PCDH15: variants seen among roughly 807,000 people sequenced by gnomAD.
PCDH15 encodes protocadherin-15.
A neutral mutation model predicts 178.5 loss-of-function variants in PCDH15; 129 were observed. The ratio of observed to expected loss-of-function variants is 0.72; its 90% CI spans 0.63 to 0.84. PCDH15 has a LOEUF of 0.84. PCDH15 is among the 40% of genes least tolerant of loss of function. The pLI is 0.00. For missense variants in PCDH15, 2,230 were observed against 2,099.9 expected (o/e 1.06, Z -1.21); for synonymous variants, 800 against 732.0 (o/e 1.09, Z -1.50).
intron 18 of PCDH15, among the ~76,000 whole-genome samples, chr10:54,033,819 T>G (rs2093355980): frequency 6.6e-6 from 1 of 152,002 alleles, no homozygotes; most frequent in Non-Finnish European, 1.5e-5. Flanking sequence ...ATTTTGCTTA[T>G]CAGGTGTTTT....
intron 1 of PCDH15, among the ~76,000 whole-genome samples, chr10:54,711,327 G>A (rs2095426304): frequency 6.6e-6 from 1 of 151,926 alleles, no homozygotes; most frequent in Non-Finnish European, 1.5e-5. Context: ...CATATCTTTT[G>A]AATGCTGATA....
At chr10:55,343,797 T>G (rs1844667616) in intron 2 of PCDH15, among the ~76,000 whole-genome samples, 1 of 152,144 alleles carries the variant, frequency 6.6e-6, no homozygotes, top group Non-Finnish European at 1.5e-5. Flanking sequence ...AAATAACTAT[T>G]GAACACATAT....
intron 2 of PCDH15, among the ~76,000 whole-genome samples, chr10:55,457,662 A>G (rs756381278): frequency 5.9e-5 from 9 of 151,874 alleles, no homozygotes; most frequent in Non-Finnish European, 1.2e-4. Context: ...ATGACCTGGT[A>G]CCAAGATACC....
chr10:54,352,043 G>A (rs1042392094), intron 5 of PCDH15, among the ~76,000 whole-genome samples: 1 of 152,148 alleles, frequency 6.6e-6, no homozygotes, highest in African/African-American at 2.4e-5. Flanking sequence ...TTGGTGATTA[G>A]AAAATTCCAC....
chr10:54,953,790 A>T (rs1838406883), intron 2 of PCDH15, among the ~76,000 whole-genome samples: 4 of 151,368 alleles, frequency 2.6e-5, no homozygotes, highest in African/African-American at 9.7e-5. Flanking sequence ...ATAAGATATT[A>T]AAACTGTATA....
intron 3 of PCDH15, among the ~76,000 whole-genome samples, chr10:54,423,719 C>T (rs1955851398): frequency 6.6e-6 from 1 of 151,846 alleles, no homozygotes; most frequent in Admixed American, 6.6e-5. Flanking sequence ...AGAGGGATGA[C>T]ATGAATTTGG....
intron 35 of PCDH15, among the ~76,000 whole-genome samples, chr10:53,815,273 CAACAAT>C (rs967056831): frequency 3.9e-5 from 6 of 152,132 alleles, no homozygotes; most frequent in African/African-American, 1.4e-4. Context: ...ACAAAAACAA[CAACAAT>C]AATTGTAATT....
chr10:55,073,954 C>T (rs1841814943), intron 2 of PCDH15, among the ~76,000 whole-genome samples: 1 of 151,810 alleles, frequency 6.6e-6, no homozygotes, highest in African/African-American at 2.4e-5. Context: ...TAAGTGAGAA[C>T]ATGTGGTGTT....
chr10:54,377,927 AT>A (rs902227059), intron 4 of PCDH15, among the ~76,000 whole-genome samples: 10 of 151,064 alleles, frequency 6.6e-5, no homozygotes, highest in Admixed American at 5.3e-4. Flanking sequence ...TAATTTAGCA[AT>A]TTTTTTTTGA....
chr10:54,288,435 G>C (rs2059177109), intron 8 of PCDH15, among the ~76,000 whole-genome samples: 1 of 152,174 alleles, frequency 6.6e-6, no homozygotes, highest in Non-Finnish European at 1.5e-5. Flanking sequence ...GCTCCGGTCT[G>C]CAGCTCCCAG....
Position 55,085,713 on chromosome 10 carries a change from C to A in PCDH15, c.-80+80863G>T, listed in dbSNP as rs1842152684. ...CCTATGAGATTTTCATATATATAGT[C>A]AAATTAAGTGAATAACAAATTGGTC... is the stretch of plus-strand genomic sequence containing the variant. On this transcript the variant is annotated intron_variant, in intron 2 of 5. Coordinates refer to the PCDH15 transcript ENST00000458638. 2.0e-5 allele frequency among the ~76,000 whole-genome samples: 3 copies of A among 151,746 alleles called. 1 individual carries two copies. In the South Asian group the frequency reaches 6.2e-4, roughly 31 times the overall value.
chr10:55,335,858 C>T lies in PCDH15; in HGVS notation c.-155-169207G>A, dbSNP rs553104281. On this transcript the variant is annotated intron_variant, in intron 2 of 5. Transcript: ENST00000613346. ...TTTTAAATGTTATATGATTAAGTAT[C>T]ATTTGAGAAGCTTGTTTAAAAAGCA... Among the ~76,000 whole-genome samples the T allele has an allele frequency of 2.2e-4, 34 of 152,132 alleles. 3 individuals are homozygous for T. In the South Asian group the frequency reaches 7.1e-3, roughly 32 times the overall value.
In PCDH15 at chr10:54,023,059, G is replaced by A; in HGVS notation, c.2359C>T (p.Leu787Phe). 8.7e-6 allele frequency: 14 copies of A among 1,613,990 alleles called. No homozygotes were observed. Among genetic ancestry groups the A allele is most frequent in the Non-Finnish European group, 1.2e-5 (14 of 1,179,914 alleles). The change falls in exon 19 of 38, where the codon CTT (leucine) becomes TTT (phenylalanine). Residue 787 changes from leucine to phenylalanine, a missense_variant. Leu to Phe is a conservative substitution (Grantham distance 22). Coordinates refer to ENST00000644397, the MANE Select transcript of PCDH15 (RefSeq NM_001384140.1). ...GCTCCATCTGTTGCCACAACAACAA[G>A]TTCATAGTAGTCCCTGACTTCTCTG... ...LNREVRDYYE[L>F]VVVATDGAVH...
intron 14 of PCDH15, among the ~76,000 whole-genome samples, chr10:54,139,210 A>T (rs1050066952): frequency 1.6e-4 from 25 of 152,118 alleles, no homozygotes; most frequent in African/African-American, 5.5e-4. Flanking sequence ...GACTAATGTA[A>T]TGTTGTTAGT....
intron 17 of PCDH15, among the ~76,000 whole-genome samples, chr10:54,072,824 A>G (rs2094270260): frequency 6.6e-6 from 1 of 152,236 alleles, no homozygotes; most frequent in African/African-American, 2.4e-5. Flanking sequence ...GAGAGAAGCC[A>G]TACTACCAGC....
intron 3 of PCDH15, among the ~76,000 whole-genome samples, chr10:54,838,120 C>T (rs143866536): frequency 2.6e-5 from 4 of 152,102 alleles, no homozygotes; most frequent in South Asian, 2.1e-4. Flanking sequence ...CAGTACTTGA[C>T]GAGGTCCTGT....
intron 2 of PCDH15, among the ~76,000 whole-genome samples, chr10:55,410,380 T>C (rs2132034313): frequency 6.6e-6 from 1 of 152,170 alleles, no homozygotes; most frequent in Middle Eastern, 3.4e-3. Flanking sequence ...GTTTAGAAGC[T>C]GGAAGTTAAG....
intron 2 of PCDH15, among the ~76,000 whole-genome samples, chr10:55,579,638 T>A (rs1042840803): frequency 6.6e-6 from 1 of 152,172 alleles, no homozygotes; most frequent in Non-Finnish European, 1.5e-5. Context: ...CTAATATTAC[T>A]GGATGATTAA....
chr10:54,598,936 C>T (rs1464325300), intron 2 of PCDH15, among the ~76,000 whole-genome samples: 1 of 151,636 alleles, frequency 6.6e-6, no homozygotes, highest in Non-Finnish European at 1.5e-5. Context: ...AAGATCTCTA[C>T]AATGAGAACT....
Sources: gnomAD v4.1 joint callset for allele counts (sites outside exome capture counted in the v4.1 genomes callset) on GRCh38, gnomAD v4.1.1 for gene constraint, MANE v1.5 for transcripts, NCBI Gene and HGNC (gene_info 2026-07-23, HGNC 2026-07-21) for gene names.